FBXO44: variants seen among roughly 807,000 people sequenced by gnomAD.
FBXO44 encodes the protein F-box only protein 44.
In FBXO44, 25 loss-of-function variants were observed where a neutral mutation model predicts 33.5. The ratio of observed to expected loss-of-function variants is 0.75; its 90% CI spans 0.54 to 1.04. The LOEUF is 1.04. FBXO44 is among the 50% of genes least tolerant of loss of function. FBXO44 has a pLI of 0.00. For synonymous variants in FBXO44, 147 were observed against 152.8 expected, an observed-to-expected ratio of 0.96 and a Z score of 0.28; for missense variants, 311 against 344.0, an observed-to-expected ratio of 0.90 and a Z score of 0.76.
chr1:11,654,600 T>C, upstream of FBXO44: 1 of 359,016 alleles, frequency 2.8e-6, no homozygotes, highest in Non-Finnish European at 5.0e-6. Context: ...TCGTTTTTTT[T>C]CCAACTGGGG....
At chr1:11,654,766 C>A (rs74054207), upstream of FBXO44, 133 of 159,496 alleles carry the variant, frequency 8.3e-4, no homozygotes, top group Non-Finnish European at 1.5e-3. Flanking sequence ...CCCCACCCCC[C>A]ACACCAGGTA....
Position 11,661,103 on chromosome 1 carries a change from T to C in FBXO44, c.625-27T>C. On this transcript the variant is annotated intron_variant, in intron 5 of 5. Coordinates refer to ENST00000251547, the MANE Select transcript of FBXO44 (RefSeq NM_033182.7). This position sits in a 1 kb window ranked among gnomAD's most constrained non-coding sequence, Gnocchi z 4.4. Reference sequence around the variant, plus strand: ...CAGCCTGAGTCAGCTCCCTTGACCTTTCTCCCCCCTCTACCTGCCCTGCCA... The same window carrying C: ...CAGCCTGAGTCAGCTCCCTTGACCTCTCTCCCCCCTCTACCTGCCCTGCCA... 1 of 1,598,240 alleles carries C rather than the reference T, an allele frequency of 6.3e-7. No individual in the cohort carries two copies. The highest frequency in any genetic ancestry group is 8.6e-7 in the Non-Finnish European group (1 of 1,168,416).
At position 11,658,457 on chromosome 1, in the gene FBXO44, C is replaced by T. The variant is rs148732216; in HGVS notation, c.392+64C>T. 5.5e-4 allele frequency: 887 copies of T among 1,611,268 alleles called. 8 individuals carry two copies. In the African/African-American group the frequency reaches 0.01, roughly 18 times the overall value. ...CAATTTACCCTGGGGTCTCTCCCAC[C>T]CTGGAAGGGGCAGTCCTAGCCCCTC... On this transcript the variant is annotated intron_variant, in intron 3 of 5. Coordinates refer to ENST00000251547, the MANE Select transcript of FBXO44 (RefSeq NM_033182.7).
At chr1:11,656,197 T>G in intron 2 of FBXO44, 97 bp downstream of exon 2, 1 of 1,486,362 alleles carries the variant, frequency 6.7e-7, no homozygotes, top group Non-Finnish European at 9.1e-7. Context: ...CTTTGGATGG[T>G]TTAACACCTT....
intron 2 of FBXO44, among the ~76,000 whole-genome samples, chr1:11,656,311 CTT>C (rs34347559): frequency 0.014 from 1,293 of 93,866 alleles, 13 homozygotes; most frequent in African/African-American, 0.053. Flanking sequence ...TTACTATACT[CTT>C]TTTTTTTTTT....
chr1:11,658,853 C>G lies in FBXO44; in HGVS notation c.606C>G (p.Ser202Arg), dbSNP rs1325195066. The change falls in exon 5 of 6, where the codon AGC becomes AGG. Residue 202 changes from serine to arginine, a missense_variant. Physicochemically the swap from Ser to Arg is moderately radical, Grantham distance 110. Transcript: ENST00000251547. ...ACCCGGCGACCATCCAGCAGAAGAG[C>G]GATGCCAAGTGGAGGGAGGTGCGTG... ...QPDPATIQQK[S>R]DAKWREVSHT... 1 of 1,608,952 alleles carries G rather than the reference C, an allele frequency of 6.2e-7. No individual in the cohort carries two copies. Among genetic ancestry groups the G allele is most frequent in the Non-Finnish European group, 8.5e-7 (1 of 1,179,964 alleles).
Position 11,655,856 on chromosome 1 carries a change from C to G in FBXO44, c.21C>G (p.Asn7Lys). ...AAGCCATGGCTGTGGGGAACATCAA[C>G]GAGCTGCCCGAGAACATCCTGCTGG... Reference protein sequence around the residue: MAVGNINELPENILLEL... With the variant: MAVGNIKELPENILLEL... The change falls in exon 2 of 6, where the codon AAC (asparagine) becomes AAG (lysine). Residue 7 changes from asparagine (N) to lysine (K), a missense_variant. Asn to Lys is a moderately conservative substitution (Grantham distance 94). Coordinates refer to ENST00000251547, the MANE Select transcript of FBXO44 (RefSeq NM_033182.7). The G allele has an allele frequency of 1.2e-6, 2 of 1,613,848 alleles. No homozygotes were observed. The highest frequency in any genetic ancestry group is 1.7e-6 in the Non-Finnish European group (2 of 1,179,934).
chr1:11,657,552 C>T (rs1225653195), intron 2 of FBXO44, among the ~76,000 whole-genome samples: 1 of 152,124 alleles, frequency 6.6e-6, no homozygotes, highest in Admixed American at 6.5e-5. Context: ...CCAGCTTGGC[C>T]AACATGGCGA....
chr1:11,654,593 T>G, upstream of FBXO44: 2 of 358,480 alleles, frequency 5.6e-6, no homozygotes, highest in Non-Finnish European at 9.9e-6. Flanking sequence ...TCAGGAGTCG[T>G]TTTTTTTCCA....
chr1:11,660,264 C>T lies in FBXO44; in HGVS notation c.625-866C>T, dbSNP rs182859071. Among the ~76,000 whole-genome samples the T allele has an allele frequency of 4.6e-5, 7 of 152,266 alleles. No individual in the cohort carries two copies. In the East Asian group the frequency reaches 5.8e-4, roughly 13 times the overall value. On this transcript the variant is annotated intron_variant, in intron 5 of 5. Coordinates refer to ENST00000251547, the MANE Select transcript of FBXO44 (RefSeq NM_033182.7). Reference sequence around the variant, plus strand: ...CACAACCTCTGCCTCCCGGTTCAAACGATTCTCCTGCCTCAGCCTCCTGAG... The same window carrying T: ...CACAACCTCTGCCTCCCGGTTCAAATGATTCTCCTGCCTCAGCCTCCTGAG...
rs779416033 is a variant in FBXO44 at position 11,655,637 on chromosome 1, CA to C, written c.-30-168del. On this transcript the variant is annotated intron_variant, in intron 1 of 5. Transcript: ENST00000251547. ...GAGGCCAGAGAAAAAAATCAGAGCT[CA>C]CCTTTTATTAAAGTACCTGATGTGT... 3 of 650,718 alleles carry C rather than the reference CA, an allele frequency of 4.6e-6. No individual in the cohort carries two copies. The Admixed American group carries it at 8.9e-5, about 19-fold the overall frequency. The allele number at this position is 650,718 out of a possible 1,614,324, so 40.3% of individuals were successfully genotyped here.
chr1:11,657,236 A>G (rs1639870955), intron 2 of FBXO44, among the ~76,000 whole-genome samples: 1 of 152,252 alleles, frequency 6.6e-6, no homozygotes, highest in South Asian at 2.1e-4. Flanking sequence ...AAACTATACA[A>G]TAGAGATAGT....
rs759099166 is a variant in FBXO44 at position 11,656,090 on chromosome 1, G to A, written c.255G>A (p.Pro85=). 30 of 1,613,458 alleles carry A rather than the reference G, an allele frequency of 1.9e-5. No homozygotes were observed. The highest frequency in any genetic ancestry group is 2.2e-5 in the East Asian group (1 of 44,890). The change falls in exon 2 of 6, where the codon CCG becomes CCA. Residue 85 remains proline, a synonymous_variant. Transcript: ENST00000251547. The part of the protein sequence containing the change: ...RSLHRNLLHN[P]CAEEGFEFWS... ...TGCACAGGAACCTCCTGCACAACCC[G>A]TGCGCTGAAGGTGGGGTACAGGCCG...
chr1:11,660,987 C>A, intron 5 of FBXO44, 143 bp from the exon 6 acceptor site: 2 of 809,690 alleles, frequency 2.5e-6, no homozygotes, highest in South Asian at 3.6e-5. Context: ...CTCTGGTTTG[C>A]GACAAGACTA....
rs775410949 is a variant in FBXO44, at chr1:11,658,842, C to T, written c.595C>T (p.Gln199Ter). ...CTTCCAGCCAGACCCGGCGACCATCCAGCAGAAGAGCGATGCCAAGTGGAG... is the reference window on the plus strand; with the variant it reads ...CTTCCAGCCAGACCCGGCGACCATCTAGCAGAAGAGCGATGCCAAGTGGAG... ...GTFQPDPATI[Q>*]QKSDAKWREV... Residue 199 changes from glutamine to a stop codon, truncating the protein, a stop_gained, in exon 5 of 6, where the codon CAG (glutamine) becomes TAG (stop). Coordinates refer to ENST00000251547, the MANE Select transcript of FBXO44 (RefSeq NM_033182.7). LOFTEE classifies it high-confidence loss of function. The T allele has an allele frequency of 6.2e-7, 1 of 1,610,896 alleles. No individual in the cohort carries two copies. Among genetic ancestry groups the T allele is most frequent in the Non-Finnish European group, 8.5e-7 (1 of 1,179,982 alleles).
rs1238236512 is a variant in FBXO44, at chr1:11,658,778, C to T, written c.531C>T (p.Cys177=). The T allele has an allele frequency of 8.1e-6, 13 of 1,613,878 alleles. No individual in the cohort carries two copies. The highest frequency in any genetic ancestry group is 3.3e-5 in the Admixed American group (2 of 60,008). ...RPDCGSKYQL[C]VQLLSSAHAP... ...ATTGCGGGTCCAAGTACCAGCTGTG[C>T]GTTCAGCTCCTGTCGTCCGCGCACG... Residue 177 remains cysteine (C), a synonymous_variant, in exon 5 of 6, where the codon TGC becomes TGT. Coordinates refer to ENST00000251547, the MANE Select transcript of FBXO44 (RefSeq NM_033182.7).
At chr1:11,658,222 C>A in intron 2 of FBXO44, 45 bp from the exon 3 acceptor site, 1 of 1,608,006 alleles carries the variant, frequency 6.2e-7, no homozygotes, top group Non-Finnish European at 8.5e-7. Context: ...GAGAAGGCGG[C>A]CACTGAGGGG....
chr1:11,654,444 G>T, upstream of FBXO44: 2 of 1,208,676 alleles, frequency 1.7e-6, no homozygotes, highest in South Asian at 5.0e-5. Context: ...CGGTCCCGGC[G>T]ACCGCGCCTC....
intron 5 of FBXO44, among the ~76,000 whole-genome samples, chr1:11,659,962 T>C (rs1640077905): frequency 6.6e-6 from 1 of 152,248 alleles, no homozygotes; most frequent in South Asian, 2.1e-4. Flanking sequence ...ACTTTATTTA[T>C]AAAAACAGGC....
Sources: gnomAD v4.1 joint callset for allele counts (sites outside exome capture counted in the v4.1 genomes callset) on GRCh38, gnomAD v4.1.1 for gene constraint, Gnocchi (gnomAD v3.1) non-coding constraint, MANE v1.5 for transcripts, NCBI Gene and HGNC (gene_info 2026-07-23, HGNC 2026-07-21) for gene names.